Variants in IFNG-AS1 observed in about 807,000 individuals in gnomAD.
IFNG-AS1 encodes the protein IFNG antisense RNA 1 (non-protein coding).
intron 3 of IFNG-AS1, among the ~76,000 whole-genome samples, chr12:68,011,495 T>C (rs116933495): frequency 0.02 from 3,096 of 152,308 alleles, 39 homozygotes; most frequent in Non-Finnish European, 0.031. Flanking sequence ...TTCACAGACA[T>C]CATACTTCAA....
intron 3 of IFNG-AS1, chr12:68,013,792 G>A (rs1180824326): frequency 6.6e-6 from 1 of 152,134 alleles, no homozygotes; most frequent in Non-Finnish European, 1.5e-5. Context: ...GCCAGCACAT[G>A]GCTTTCTTTT....
At chr12:68,012,851 C>G (rs1880065724) in intron 3 of IFNG-AS1, among the ~76,000 whole-genome samples, 1 of 152,192 alleles carries the variant, frequency 6.6e-6, no homozygotes, top group Non-Finnish European at 1.5e-5. Flanking sequence ...AAGAGAACAG[C>G]ATGCATTCTA....
chr12:68,006,630 A>G (rs1879911470), intron 3 of IFNG-AS1, among the ~76,000 whole-genome samples: 1 of 152,232 alleles, frequency 6.6e-6, no homozygotes, highest in African/African-American at 2.4e-5. Flanking sequence ...TCAGTTGAAA[A>G]GTTCATCAAA....
At position 67,993,028 on chromosome 12, in the gene IFNG-AS1, T is replaced by C. The variant is rs759056538; in HGVS notation, n.52-2913T>C. ...GAAGTAGCCGAAAATCTGAGAAATA[T>C]GTCCTCTTGTCACTTTCCTGTCCTT... On this transcript the variant is annotated intron_variant and non_coding_transcript_variant, in intron 1 of 5. Transcript: ENST00000536914. Among the ~76,000 whole-genome samples the C allele has an allele frequency of 1.1e-3, 164 of 152,208 alleles. 1 individual carries two copies. Among genetic ancestry groups the C allele is most frequent in the Non-Finnish European group, 1.8e-3 (123 of 68,038 alleles).
intron 1 of IFNG-AS1, among the ~76,000 whole-genome samples, chr12:67,993,448 A>C (rs2120412073): frequency 6.6e-6 from 1 of 152,342 alleles, no homozygotes; most frequent in African/African-American, 2.4e-5. Context: ...TGTTCATGAG[A>C]TAAAGCTCAG....
chr12:68,003,964 T>TGTAAGCTTTGGTATGCCAAG (rs57502767), intron 2 of IFNG-AS1, among the ~76,000 whole-genome samples: 2 of 150,724 alleles, frequency 1.3e-5, no homozygotes, highest in Non-Finnish European at 2.9e-5. Context: ...TATGTTGGTT[T>TGTAAGCTTTGGTATGCCAAG]GTATGTGGCA....
chr12:68,007,508 G>A (rs896811898), intron 3 of IFNG-AS1, among the ~76,000 whole-genome samples: 8 of 152,160 alleles, frequency 5.3e-5, no homozygotes, highest in African/African-American at 1.7e-4. Context: ...ATGAAATGAT[G>A]CAAGAAATAC....
At position 67,995,620 on chromosome 12, in the gene IFNG-AS1, G is replaced by T. The variant is rs1879622446; in HGVS notation, n.52-321G>T. Among the ~76,000 whole-genome samples the T allele has an allele frequency of 2.0e-5, 3 of 151,070 alleles. No homozygotes were observed. The South Asian group carries it at 6.3e-4, about 32-fold the overall frequency. The stretch of plus-strand genomic sequence containing the variant: ...GCCTGTATTCCCAGCTATTCGGAAG[G>T]CTGAGTCAGGAGAATCACTTGAACC... On this transcript the variant is annotated intron_variant and non_coding_transcript_variant, in intron 1 of 5. Transcript: ENST00000536914.
chr12:67,994,510 T>C (rs569384289), intron 1 of IFNG-AS1, among the ~76,000 whole-genome samples: 2 of 152,338 alleles, frequency 1.3e-5, no homozygotes, highest in African/African-American at 2.4e-5. Flanking sequence ...TTAAATATGC[T>C]GCTTTATCCT....
chr12:68,007,113 A>C (rs1013996014), intron 3 of IFNG-AS1, among the ~76,000 whole-genome samples: 1 of 152,222 alleles, frequency 6.6e-6, no homozygotes, highest in African/African-American at 2.4e-5. Context: ...ACATGGGTTC[A>C]TGTCCCAACA....
intron 3 of IFNG-AS1, among the ~76,000 whole-genome samples, chr12:68,012,360 C>G (rs887724238): frequency 3.9e-5 from 6 of 152,122 alleles, no homozygotes; most frequent in African/African-American, 1.4e-4. Flanking sequence ...GGGAGTTACT[C>G]TGAGTTTGGT....
At chr12:68,015,915 C>G (rs548729987) in intron 3 of IFNG-AS1, among the ~76,000 whole-genome samples, 49 of 149,500 alleles carry the variant, frequency 3.3e-4, no homozygotes, top group African/African-American at 1.1e-3. Context: ...GGTTTAGTGC[C>G]TCCATTTTCC....
intron 2 of IFNG-AS1, among the ~76,000 whole-genome samples, chr12:68,004,915 C>T (rs967815304): frequency 6.6e-6 from 1 of 152,088 alleles, no homozygotes; most frequent in Non-Finnish European, 1.5e-5. Flanking sequence ...TTTTTGCAGT[C>T]CACTGGCACA....
intron 3 of IFNG-AS1, among the ~76,000 whole-genome samples, chr12:68,007,999 G>C (rs1879943916): frequency 6.6e-6 from 1 of 152,182 alleles, no homozygotes; most frequent in Non-Finnish European, 1.5e-5. Flanking sequence ...ACTAAAAATG[G>C]AAAACCATTG....
intron 1 of IFNG-AS1, chr12:67,995,830 A>G (rs1879629784): frequency 6.6e-6 from 1 of 152,250 alleles, no homozygotes; most frequent in African/African-American, 2.4e-5. Context: ...CAACAAATGC[A>G]AAATCATTTC....
intron 2 of IFNG-AS1, among the ~76,000 whole-genome samples, chr12:68,003,805 G>C (rs983034992): frequency 2.0e-5 from 3 of 151,832 alleles, no homozygotes; most frequent in Non-Finnish European, 4.4e-5. Flanking sequence ...TACCCGGGAG[G>C]CTGAGGCAGG....
chr12:68,005,809 G>A (rs982412065), intron 2 of IFNG-AS1, among the ~76,000 whole-genome samples: 4 of 152,128 alleles, frequency 2.6e-5, no homozygotes, highest in Non-Finnish European at 5.9e-5. Context: ...GAATACACAG[G>A]TTGAAAGCAT....
At chr12:68,014,843 G>A (rs1880110511) in intron 3 of IFNG-AS1, among the ~76,000 whole-genome samples, 2 of 151,998 alleles carry the variant, frequency 1.3e-5, no homozygotes, top group African/African-American at 2.4e-5. Flanking sequence ...TATTTCTTTG[G>A]AGAACCCTAA....
chr12:68,011,004 T>C (rs1008761870), intron 3 of IFNG-AS1, among the ~76,000 whole-genome samples: 2 of 152,192 alleles, frequency 1.3e-5, no homozygotes, highest in African/African-American at 4.8e-5. Flanking sequence ...GACACTACTA[T>C]GAGGTAGGTT....
Sources: allele counts gnomAD v4.1 joint callset (sites outside exome capture counted in the v4.1 genomes callset), GRCh38; gene constraint gnomAD v4.1.1; transcripts MANE v1.5; gene names NCBI Gene and HGNC (gene_info 2026-07-23, HGNC 2026-07-21).